PTPRN2: variants seen among roughly 807,000 people sequenced by gnomAD.
PTPRN2 encodes protein tyrosine phosphatase receptor type N2.
A neutral mutation model predicts 118.8 loss-of-function variants in PTPRN2; 74 were observed. That is an observed-to-expected ratio of 0.62 (90% confidence interval 0.52 to 0.76). The LOEUF is 0.76. Among genes scored for constraint, PTPRN2 ranks in the 30% least tolerant of loss-of-function variants. PTPRN2 has a pLI of 0.00. For synonymous variants in PTPRN2, 641 were observed against 608.0 expected (o/e 1.05, Z -0.80); for missense variants, 1,481 against 1,394.4 (o/e 1.06, Z -0.99).
At chr7:157,910,457 G>C (rs955820934) in intron 11 of PTPRN2, among the ~76,000 whole-genome samples, 1 of 139,808 alleles carries the variant, frequency 7.2e-6, no homozygotes, top group Non-Finnish European at 1.5e-5. Context: ...ACGTACGCCG[G>C]ATCACGCACG....
intron 12 of PTPRN2, among the ~76,000 whole-genome samples, chr7:157,745,324 C>T (rs1057088009): frequency 6.6e-6 from 1 of 152,084 alleles, no homozygotes; most frequent in African/African-American, 2.4e-5. Context: ...TGCACGGACT[C>T]GTCCACCCTC....
chr7:157,626,697 C>T (rs73515084), intron 14 of PTPRN2, among the ~76,000 whole-genome samples: 1,822 of 152,300 alleles, frequency 0.012, 36 homozygotes, highest in African/African-American at 0.042. Context: ...CTGCTCAGCA[C>T]AGGCAGCAAG....
chr7:158,162,396 G>C (rs1280959095), intron 6 of PTPRN2, among the ~76,000 whole-genome samples: 2 of 152,132 alleles, frequency 1.3e-5, no homozygotes, highest in Non-Finnish European at 2.9e-5. Flanking sequence ...GAGTGTTATG[G>C]ATTATAATGT....
Position 158,199,947 on chromosome 7 carries a change from A to T in PTPRN2, c.380+5224T>A, listed in dbSNP as rs141731580. 1.9e-3 allele frequency among the ~76,000 whole-genome samples: 292 copies of T among 152,322 alleles called. 1 individual carries two copies. The highest frequency in any genetic ancestry group is 6.7e-3 in the African/African-American group (280 of 41,572). On this transcript the variant is annotated intron_variant, in intron 4 of 22. Coordinates refer to ENST00000389418, the MANE Select transcript of PTPRN2 (RefSeq NM_002847.5). Reference sequence around the variant, plus strand: ...AGGAATGAAACAAATCCATTACTATAAAATCGCTTGAAAATCTAGAGGTGA... The same window carrying T: ...AGGAATGAAACAAATCCATTACTATTAAATCGCTTGAAAATCTAGAGGTGA...
rs181468476 is a variant in PTPRN2, at chr7:158,230,706, C to G, written c.278-25433G>C. Among the ~76,000 whole-genome samples the G allele has an allele frequency of 2.8e-3, 427 of 151,930 alleles. 5 individuals carry two copies. The highest frequency in any genetic ancestry group is 9.9e-3 in the African/African-American group (410 of 41,472). On this transcript the variant is annotated intron_variant, in intron 3 of 22. Coordinates refer to ENST00000389418, the MANE Select transcript of PTPRN2 (RefSeq NM_002847.5). ...ATAAAAAGCAATGAATTAAAACATACTAGCAGAGAAAATCACTTTACCACA... is the reference window on the plus strand; with the variant it reads ...ATAAAAAGCAATGAATTAAAACATAGTAGCAGAGAAAATCACTTTACCACA...
intron 12 of PTPRN2, among the ~76,000 whole-genome samples, chr7:157,782,212 G>A (rs1803723316): frequency 6.6e-6 from 1 of 152,266 alleles, no homozygotes; most frequent in Non-Finnish European, 1.5e-5. Flanking sequence ...CAAAGCCACA[G>A]ACCAAACTGC....
intron 1 of PTPRN2, among the ~76,000 whole-genome samples, chr7:158,554,050 C>T (rs1826827413): frequency 6.6e-6 from 1 of 151,720 alleles, no homozygotes; most frequent in Admixed American, 6.6e-5. Flanking sequence ...CCTGTCTACA[C>T]ACACACAGGC....
intron 6 of PTPRN2, among the ~76,000 whole-genome samples, chr7:158,152,129 A>G (rs964771000): frequency 1.6e-4 from 22 of 137,448 alleles, no homozygotes; most frequent in Admixed American, 1.7e-4. Flanking sequence ...AGCCGAGATC[A>G]CGCCACTGCA....
intron 9 of PTPRN2, among the ~76,000 whole-genome samples, chr7:158,127,450 G>A (rs1048416819): frequency 6.6e-6 from 1 of 152,074 alleles, no homozygotes; most frequent in Admixed American, 6.5e-5. Flanking sequence ...CAAGCACAGG[G>A]GCGTTTGCCA....
chr7:158,506,769 G>A (rs895958621), intron 1 of PTPRN2, among the ~76,000 whole-genome samples: 2 of 151,398 alleles, frequency 1.3e-5, no homozygotes, highest in East Asian at 2.0e-4. Flanking sequence ...GGCGGATGCC[G>A]GGGGCCTCCG....
At chr7:157,876,227 C>A (rs1795758806) in intron 12 of PTPRN2, among the ~76,000 whole-genome samples, 1 of 152,188 alleles carries the variant, frequency 6.6e-6, no homozygotes, top group Admixed American at 6.5e-5. Flanking sequence ...GTGTTGGTCT[C>A]CTGTTGTGAC....
intron 6 of PTPRN2, among the ~76,000 whole-genome samples, chr7:158,146,997 A>AC (rs1820147642): frequency 2.5e-5 from 1 of 40,704 alleles, no homozygotes; most frequent in Non-Finnish European, 4.8e-5. Flanking sequence ...CCTCAATGAC[A>AC]CCCCATCTCA....
At chr7:157,793,693 G>A (rs529048333) in intron 12 of PTPRN2, among the ~76,000 whole-genome samples, 20 of 152,272 alleles carry the variant, frequency 1.3e-4, no homozygotes, top group African/African-American at 4.3e-4. Flanking sequence ...TCAGCAGCTC[G>A]GAGCCTCTAG....
At chr7:158,142,219 C>T (rs189838983) in intron 6 of PTPRN2, among the ~76,000 whole-genome samples, 146 of 152,360 alleles carry the variant, frequency 9.6e-4, no homozygotes, top group African/African-American at 3.1e-3. Flanking sequence ...CGCCCGCCTC[C>T]GCCTCTGTGG....
In PTPRN2 at chr7:158,549,048, A is replaced by AG. The variant is rs149585916; in HGVS notation, c.112+38509dup. Among the ~76,000 whole-genome samples, 555 of 152,282 alleles carry AG rather than the reference A, an allele frequency of 3.6e-3. 3 individuals carry two copies. Among genetic ancestry groups the AG allele is most frequent in the African/African-American group, 0.013 (520 of 41,566 alleles). ...GAGATGCAGACAGCAGTGCCACCCC[A>AG]GGGGGGCCGAGGGAGCAGGACTGAG... is the stretch of plus-strand genomic sequence containing the variant. On this transcript the variant is annotated intron_variant, in intron 1 of 22. Transcript: ENST00000389418.
At chr7:157,979,395 G>GA (rs1248409074) in intron 11 of PTPRN2, among the ~76,000 whole-genome samples, 1 of 152,196 alleles carries the variant, frequency 6.6e-6, no homozygotes, top group African/African-American at 2.4e-5. Context: ...CCACATCTGA[G>GA]AAAACACTTC....
At chr7:157,568,088 T>C (rs1468337500) in intron 21 of PTPRN2, among the ~76,000 whole-genome samples, 1 of 152,184 alleles carries the variant, frequency 6.6e-6, no homozygotes, top group Non-Finnish European at 1.5e-5. Flanking sequence ...CCCCATGCTT[T>C]TGTAGGAGAA....
chr7:157,868,274 G>A lies in PTPRN2; in HGVS notation c.1788+30399C>T, dbSNP rs953478119. Among the ~76,000 whole-genome samples, 3 of 152,216 alleles carry A rather than the reference G, an allele frequency of 2.0e-5. No homozygotes were observed. Among genetic ancestry groups the A allele is most frequent in the African/African-American group, 7.2e-5 (3 of 41,452 alleles). ...GGGACTCGGCAAGCCCATCTGAACA[G>A]GGCTCTCTGCAGGCAGCCCCAGGCC... On this transcript the variant is annotated intron_variant, in intron 12 of 22. Transcript: ENST00000389418. The surrounding 1 kb of genome is among the most constrained non-coding windows in gnomAD (Gnocchi z 5.2).
At chr7:158,330,836 TCCACA>T (rs1804231348) in intron 2 of PTPRN2, among the ~76,000 whole-genome samples, 1 of 19,570 alleles carries the variant, frequency 5.1e-5, no homozygotes, top group Non-Finnish European at 1.0e-4. Context: ...GTCACTCACA[TCCACA>T]TTCTCACCAT....
Sources: allele counts gnomAD v4.1 joint callset (sites outside exome capture counted in the v4.1 genomes callset), GRCh38; gene constraint gnomAD v4.1.1; non-coding constraint Gnocchi (gnomAD v3.1); transcripts MANE v1.5; gene names NCBI Gene and HGNC (gene_info 2026-07-23, HGNC 2026-07-21).